IAH1: variants seen among roughly 807,000 people sequenced by gnomAD.
IAH1 encodes the protein isoamyl acetate hydrolyzing esterase 1 (putative), also known as isoamyl acetate-hydrolyzing esterase 1 homolog.
A neutral mutation model predicts 26.7 loss-of-function variants in IAH1; 24 were observed. That is an observed-to-expected ratio of 0.90 (90% CI 0.65 to 1.26). IAH1 has a LOEUF of 1.26. IAH1 is among the 50% of genes most tolerant of loss of function. The probability of loss-of-function intolerance (pLI) is 0.00; values close to 1 mark genes in which losing one functional copy is unlikely to be tolerated. For missense variants in IAH1, 300 were observed against 299.9 expected, an observed-to-expected ratio of 1.00 and a Z score of 0.00; for synonymous variants, 140 against 118.5, an observed-to-expected ratio of 1.18 and a Z score of -1.18.
chr2:9,497,262 C>A (rs1558496806), downstream of IAH1: 2 of 1,613,578 alleles, frequency 1.2e-6, no homozygotes, highest in African/African-American at 1.3e-5. Context: ...GAAGCAAACA[C>A]CAGTCATAAC....
At chr2:9,490,345 G>A, downstream of IAH1, 1 of 1,614,180 alleles carries the variant, frequency 6.2e-7, no homozygotes, top group Non-Finnish European at 8.5e-7. Context: ...CCATATGTGA[G>A]TCTGTGCTGG....
At chr2:9,494,550 AT>A (rs534145236), downstream of IAH1, 323 of 1,503,638 alleles carry the variant, frequency 2.1e-4, no homozygotes, top group African/African-American at 4.2e-3. Flanking sequence ...TTGTGTTTTG[AT>A]TTGTTTTCAT....
the IAH1 span, chr2:9,509,862 T>C: frequency 7.6e-7 from 1 of 1,320,668 alleles, no homozygotes; most frequent in Admixed American, 2.2e-5. Context: ...ACTTTGTAAT[T>C]TGCACATCCA....
At chr2:9,496,471 C>T (rs1162545513) in exon 7 of IAH1, 1 of 152,270 alleles carries the variant, frequency 6.6e-6, no homozygotes, top group East Asian at 1.9e-4. Flanking sequence ...TCATCGACTC[C>T]CATGGTTTAA....
chr2:9,510,144 G>C, the IAH1 span: 1 of 1,613,622 alleles, frequency 6.2e-7, no homozygotes, highest in Non-Finnish European at 8.5e-7. Context: ...TAAGGATCAT[G>C]CAAAGAAAAC....
intron 2 of IAH1, among the ~76,000 whole-genome samples, chr2:9,476,837 A>C (rs1315499048): frequency 1.3e-5 from 2 of 152,272 alleles, no homozygotes; most frequent in East Asian, 3.9e-4. Context: ...GTGGTTCTTC[A>C]GTTGCTCCAG....
chr2:9,506,652 C>G, the IAH1 span: 1 of 152,442 alleles, frequency 6.6e-6, no homozygotes. Context: ...GCGTGAGCCA[C>G]CGCGCCCGGC....
At chr2:9,506,785 A>T in the IAH1 span, 2 of 152,080 alleles carry the variant, frequency 1.3e-5, no homozygotes, top group Non-Finnish European at 2.9e-5. Flanking sequence ...CCATTTTATC[A>T]GGTTAAAATG....
rs1485818368 is a variant in IAH1, at chr2:9,488,618, T to G, written c.*289T>G. The stretch of plus-strand genomic sequence containing the variant: ...GTCACAATTTTATAAAAATGGTTTT[T>G]CTTACATTCTTTTGAGAACTGTTTC... On this transcript the variant is annotated 3_prime_UTR_variant, in exon 6 of 6. Coordinates refer to ENST00000497473, the MANE Select transcript of IAH1 (RefSeq NM_001039613.3). 4.3e-6 allele frequency: 1 copy of G among 231,678 alleles called. No homozygotes were observed. Among genetic ancestry groups the G allele is most frequent in the African/African-American group, 2.3e-5 (1 of 44,264 alleles). 14.4% of individuals were successfully genotyped at this position (231,678 alleles called of 1,614,324 possible).
the IAH1 span, among the ~76,000 whole-genome samples, chr2:9,510,961 T>C: frequency 1.3e-5 from 2 of 152,338 alleles, no homozygotes; most frequent in East Asian, 3.9e-4. Flanking sequence ...AAATGTAATT[T>C]ATAAGATATA....
the IAH1 span, among the ~76,000 whole-genome samples, chr2:9,503,281 A>G: frequency 6.6e-6 from 1 of 152,176 alleles, no homozygotes; most frequent in Non-Finnish European, 1.5e-5. Context: ...TTAAATCTCA[A>G]TTATTCACCA....
Position 9,494,856 on chromosome 2 carries a change from A to G in IAH1, c.*218A>G, listed in dbSNP as rs1258112388. ...TCTTTCCTCCCTGACCATGCTCCCA[A>G]AGAGGTAAGAAATCACATTTATTTT... On this transcript the variant is annotated 3_prime_UTR_variant, in exon 6 of 7. Coordinates refer to the IAH1 transcript ENST00000481367. 5 of 1,490,634 alleles carry G rather than the reference A, an allele frequency of 3.4e-6. No individual in the cohort carries two copies. The African/African-American group carries it at 4.3e-5, about 13-fold the overall frequency. The allele number at this position is 1,490,634 out of a possible 1,614,324, so 92.3% of individuals were successfully genotyped here. A position where few individuals can be genotyped will look rare whatever the true frequency, so the allele number is the denominator to read the frequency against.
the IAH1 span, among the ~76,000 whole-genome samples, chr2:9,504,090 G>A: frequency 6.6e-6 from 1 of 152,102 alleles, no homozygotes; most frequent in South Asian, 2.1e-4. Context: ...GGTTGAGGCT[G>A]CAGTGAGCCA....
chr2:9,489,415 T>C lies in IAH1; in HGVS notation c.*1086T>C, dbSNP rs1661899223. Reference sequence around the variant, plus strand: ...AATTTTCTAAGAGCATGTATCCCTATCAGTAACAGGGATACATGAAGATAC... The same window carrying C: ...AATTTTCTAAGAGCATGTATCCCTACCAGTAACAGGGATACATGAAGATAC... On this transcript the variant is annotated 3_prime_UTR_variant, in exon 6 of 6. Transcript: ENST00000497473. The C allele has an allele frequency of 6.7e-6, 1 of 149,246 alleles. No homozygotes were observed. Among genetic ancestry groups the C allele is most frequent in the African/African-American group, 2.5e-5 (1 of 39,850 alleles). 9.2% of individuals were successfully genotyped at this position (149,246 alleles called of 1,614,324 possible).
upstream of IAH1, chr2:9,474,515 C>CCT: frequency 8.2e-7 from 1 of 1,217,636 alleles, no homozygotes; most frequent in Non-Finnish European, 1.1e-6. This position sits in a 1 kb window ranked among gnomAD's most constrained non-coding sequence, Gnocchi z 4.3. Flanking sequence ...GCGGCCACTG[C>CCT]GCAGGCGCCT....
chr2:9,504,227 A>T, the IAH1 span, among the ~76,000 whole-genome samples: 1 of 151,902 alleles, frequency 6.6e-6, no homozygotes, highest in Non-Finnish European at 1.5e-5. Context: ...TGGGCAGATC[A>T]TGAAGTCAGG....
the IAH1 span, among the ~76,000 whole-genome samples, chr2:9,508,265 C>T: frequency 6.6e-6 from 1 of 152,152 alleles, no homozygotes; most frequent in Non-Finnish European, 1.5e-5. Flanking sequence ...CAGAAATATT[C>T]AAGCATCTAT....
In IAH1 at chr2:9,479,795, C is replaced by CTTTTTTTTT. The variant is rs5829216; in HGVS notation, c.283+1452_284-1456dup. Among the ~76,000 whole-genome samples the CTTTTTTTTT allele has an allele frequency of 2.1e-4, 15 of 69,870 alleles. 1 individual carries two copies. The highest frequency in any genetic ancestry group is 6.9e-4 in the South Asian group (1 of 1,444). 45.8% of individuals were successfully genotyped at this position (69,870 alleles called of 152,430 possible). ...TGTGTGCGGAGATTTCTGTGTATTGCTTTTTTTTTTTTTTTTTTTTTTTTT... is the reference window on the plus strand; with the variant it reads ...TGTGTGCGGAGATTTCTGTGTATTGCTTTTTTTTTTTTTTTTTTTTTTTTTTTTTTTTTT... On this transcript the variant is annotated intron_variant, in intron 3 of 5. Coordinates refer to ENST00000497473, the MANE Select transcript of IAH1 (RefSeq NM_001039613.3).
chr2:9,511,098 CAT>C, the IAH1 span, among the ~76,000 whole-genome samples: 1 of 152,072 alleles, frequency 6.6e-6, no homozygotes, highest in Admixed American at 6.6e-5. Context: ...GGCCCAATCA[CAT>C]GTCTGTTAAA....
Sources: allele counts gnomAD v4.1 joint callset (sites outside exome capture counted in the v4.1 genomes callset), GRCh38; gene constraint gnomAD v4.1.1; non-coding constraint Gnocchi (gnomAD v3.1); transcripts MANE v1.5; gene names NCBI Gene and HGNC (gene_info 2026-07-23, HGNC 2026-07-21).